The following NALF1 variants were observed in gnomAD, a reference collection of about 807,000 sequenced individuals.
NALF1 encodes NALCN channel auxiliary factor 1.
In NALF1, 3 loss-of-function variants were observed where a neutral mutation model predicts 48.4. The observed-to-expected ratio is 0.06, with a 90% CI of 0.03 to 0.16. The LOEUF is 0.16. Ranked by LOEUF, NALF1 falls within the 10% of genes least tolerant of loss-of-function variation. The probability of loss-of-function intolerance (pLI) is 1.00; values close to 1 mark genes in which losing one functional copy is unlikely to be tolerated. For missense variants in NALF1, 526 were observed against 571.5 expected (o/e 0.92, Z 0.81); for synonymous variants, 262 against 245.7 (o/e 1.07, Z -0.62).
intron 1 of NALF1, among the ~76,000 whole-genome samples, chr13:107,492,802 A>G (rs1309072524): frequency 6.6e-6 from 1 of 152,204 alleles, no homozygotes; most frequent in Non-Finnish European, 1.5e-5. Context: ...TTCTTTAGAC[A>G]TAAAACTGGT....
At chr13:107,264,764 C>T (rs766275229) in intron 1 of NALF1, among the ~76,000 whole-genome samples, 2 of 152,202 alleles carry the variant, frequency 1.3e-5, no homozygotes, top group African/African-American at 4.8e-5. Flanking sequence ...CATCGAATTA[C>T]ATTACTGTTA....
At chr13:107,625,812 G>T (rs910321793) in intron 1 of NALF1, among the ~76,000 whole-genome samples, 1 of 152,006 alleles carries the variant, frequency 6.6e-6, no homozygotes, top group African/African-American at 2.4e-5. Context: ...ATTTCTACCT[G>T]ACACTAAATA....
chr13:107,333,737 A>G (rs898564518), intron 1 of NALF1, among the ~76,000 whole-genome samples: 5 of 152,242 alleles, frequency 3.3e-5, no homozygotes, highest in African/African-American at 1.2e-4. Flanking sequence ...TAGTGGCTTC[A>G]ATCCCAAAGC....
intron 1 of NALF1, among the ~76,000 whole-genome samples, chr13:107,743,404 C>T (rs1330087651): frequency 6.6e-6 from 1 of 152,112 alleles, no homozygotes. Flanking sequence ...TATATTGCTC[C>T]AGCATAATGT....
rs61429641 is a variant in NALF1 at position 107,586,635 on chromosome 13, A to ATTTTTTTTTTTTTTTTTTTTTTT, written c.915+279046_915+279047insAAAAAAAAAAAAAAAAAAAAAAA. On this transcript the variant is annotated intron_variant, in intron 1 of 2. Transcript: ENST00000375915. ...CTACATTTAAAGCTCCCCTATGGAG[A>ATTTTTTTTTTTTTTTTTTTTTTT]TTTTTTTTTTTTTTGCTAGGAATGA... Among the ~76,000 whole-genome samples the ATTTTTTTTTTTTTTTTTTTTTTT allele has an allele frequency of 3.8e-4, 35 of 93,106 alleles. 9 individuals carry two copies. The highest frequency in any genetic ancestry group is 6.4e-4 in the African/African-American group (14 of 21,954). The allele number at this position is 93,106 out of a possible 152,430, so 61.1% of individuals were successfully genotyped here. A position where few individuals can be genotyped will look rare whatever the true frequency, so the allele number is the denominator to read the frequency against.
rs553102696 is a variant in NALF1 at position 107,865,971 on chromosome 13, C to A, written c.626G>T (p.Ser209Ile). Residue 209 changes from serine to isoleucine, a missense_variant, in exon 1 of 3, where the codon AGC (serine) becomes ATC (isoleucine). By Grantham distance (142) the Ser-to-Ile change is moderately radical. Around this residue, in one of 2 missense-constraint regions of NALF1, gnomAD observed 373 missense variants for 355.5 expected, o/e 1.05. Transcript: ENST00000375915. ...GTTCCAGAGCGGAGTGGGATGCTTG[C>A]TCCTCACCTCCTGCCCGTCCCCCCC... ...AAGGDGQEVR[S>I]KHPTPLWNLS... 220 of 1,613,164 alleles carry A rather than the reference C, an allele frequency of 1.4e-4. 2 individuals carry two copies. The South Asian group carries it at 2.1e-3, about 16-fold the overall frequency.
chr13:107,433,509 C>T (rs1884416123), intron 1 of NALF1, among the ~76,000 whole-genome samples: 2 of 151,960 alleles, frequency 1.3e-5, no homozygotes, highest in South Asian at 2.1e-4. Flanking sequence ...ATACACTTCC[C>T]ATTTCTTCAG....
At chr13:107,264,080 C>A (rs913402130) in intron 1 of NALF1, among the ~76,000 whole-genome samples, 1 of 152,134 alleles carries the variant, frequency 6.6e-6, no homozygotes, top group East Asian at 1.9e-4. Flanking sequence ...GTCTTTAAAT[C>A]TTTTTCTCCA....
intron 1 of NALF1, among the ~76,000 whole-genome samples, chr13:107,419,901 C>A (rs1884156905): frequency 6.6e-6 from 1 of 152,112 alleles, no homozygotes; most frequent in Non-Finnish European, 1.5e-5. Context: ...AGCCAGTTTG[C>A]CATGCGGTGT....
chr13:107,615,778 ACCC>A (rs1879362541), intron 1 of NALF1, among the ~76,000 whole-genome samples: 1 of 152,098 alleles, frequency 6.6e-6, no homozygotes. Flanking sequence ...TAAATTATAA[ACCC>A]TCCTAAGAGT....
intron 1 of NALF1, among the ~76,000 whole-genome samples, chr13:107,335,913 C>T (rs1882546807): frequency 6.6e-6 from 1 of 151,552 alleles, no homozygotes; most frequent in African/African-American, 2.4e-5. Flanking sequence ...TAAATTGCAT[C>T]TTTCCAAATA....
intron 1 of NALF1, among the ~76,000 whole-genome samples, chr13:107,684,224 G>A (rs186297271): frequency 4.6e-5 from 7 of 152,314 alleles, no homozygotes; most frequent in Admixed American, 3.3e-4. Flanking sequence ...GGGTGCAGGG[G>A]AGCACCTCGC....
chr13:107,744,943 T>C (rs1876744376), intron 1 of NALF1, among the ~76,000 whole-genome samples: 1 of 152,216 alleles, frequency 6.6e-6, no homozygotes, highest in Non-Finnish European at 1.5e-5. Flanking sequence ...ACAGTGGACT[T>C]TGAGAGTCCT....
At chr13:107,301,853 G>A (rs1176925469) in intron 1 of NALF1, among the ~76,000 whole-genome samples, 1 of 152,058 alleles carries the variant, frequency 6.6e-6, no homozygotes, top group Non-Finnish European at 1.5e-5. Context: ...TGGTGGATTA[G>A]GCTGTAAGAG....
intron 1 of NALF1, among the ~76,000 whole-genome samples, chr13:107,538,204 T>G (rs1047672620): frequency 1.3e-5 from 2 of 152,160 alleles, no homozygotes; most frequent in African/African-American, 4.8e-5. Flanking sequence ...GTGCCATATA[T>G]TCCAATCAAG....
At chr13:107,787,706 T>A (rs1878116297) in intron 1 of NALF1, among the ~76,000 whole-genome samples, 1 of 152,146 alleles carries the variant, frequency 6.6e-6, no homozygotes, top group Admixed American at 6.6e-5. Context: ...TTAGAAAAAA[T>A]TACTACCAGT....
At chr13:107,485,965 A>G (rs1885323438) in intron 1 of NALF1, among the ~76,000 whole-genome samples, 1 of 152,310 alleles carries the variant, frequency 6.6e-6, no homozygotes, top group South Asian at 2.1e-4. Flanking sequence ...AGATCTCTAG[A>G]TGAGGACAAG....
At chr13:107,261,819 C>T (rs1007918730) in intron 1 of NALF1, among the ~76,000 whole-genome samples, 9 of 152,074 alleles carry the variant, frequency 5.9e-5, no homozygotes, top group Non-Finnish European at 1.5e-5. Flanking sequence ...TCACTAATTT[C>T]ATTATCAAAC....
At position 107,495,262 on chromosome 13, in the gene NALF1, C is replaced by T. The variant is rs142660988; in HGVS notation, c.916-284507G>A. Among the ~76,000 whole-genome samples, 314 of 152,172 alleles carry T rather than the reference C, an allele frequency of 2.1e-3. 1 individual carries two copies. Among genetic ancestry groups the T allele is most frequent in the African/African-American group, 6.6e-3 (275 of 41,524 alleles). On this transcript the variant is annotated intron_variant, in intron 1 of 2. Coordinates refer to ENST00000375915, the MANE Select transcript of NALF1 (RefSeq NM_001080396.3). Reference sequence around the variant, plus strand: ...GCTTTTTGTGGTACATAAAGAGATGCGCCAAATTACAGCAACAACAATGTC... The same window carrying T: ...GCTTTTTGTGGTACATAAAGAGATGTGCCAAATTACAGCAACAACAATGTC...
Sources: gnomAD v4.1 joint callset for allele counts (sites outside exome capture counted in the v4.1 genomes callset) on GRCh38, gnomAD v4.1.1 for gene constraint, gnomAD v4.1.1 regional missense constraint, MANE v1.5 for transcripts, NCBI Gene and HGNC (gene_info 2026-07-23, HGNC 2026-07-21) for gene names.